PRKN: variants seen among roughly 807,000 people sequenced by gnomAD.
PRKN encodes the protein E3 ubiquitin-protein ligase parkin.
In PRKN, 56 loss-of-function variants were observed where a neutral mutation model predicts 59.5. That is an observed-to-expected ratio of 0.94 (90% confidence interval 0.76 to 1.18). The LOEUF (loss-of-function observed/expected upper bound fraction) is 1.18, where lower values mean the gene tolerates loss of function less well. Among genes scored for constraint, PRKN ranks in the 50% most tolerant of loss-of-function variants. The probability of loss-of-function intolerance (pLI) is 0.00; values close to 1 mark genes in which losing one functional copy is unlikely to be tolerated. For synonymous variants in PRKN, 250 were observed against 222.1 expected (o/e 1.13, Z -1.12); for missense variants, 657 against 596.4 (o/e 1.10, Z -1.06).
intron 7 of PRKN, among the ~76,000 whole-genome samples, chr6:161,677,525 C>T (rs568693199): frequency 6.6e-6 from 1 of 152,348 alleles, no homozygotes; most frequent in East Asian, 1.9e-4. Context: ...ACGAAGCCAG[C>T]ACTGCTGTGA....
intron 2 of PRKN, among the ~76,000 whole-genome samples, chr6:162,296,557 T>A (rs1781687762): frequency 2.6e-5 from 4 of 152,078 alleles, no homozygotes; most frequent in Admixed American, 6.5e-5. Context: ...GCTTATTTCT[T>A]ACTCCACAAC....
chr6:162,566,242 G>A (rs1780073965), intron 1 of PRKN, among the ~76,000 whole-genome samples: 1 of 151,832 alleles, frequency 6.6e-6, no homozygotes, highest in Non-Finnish European at 1.5e-5. Context: ...AAAATCAGCA[G>A]CATTTCTATA....
Position 161,408,314 on chromosome 6 carries a change from T to C in PRKN, c.1084-21437A>G, listed in dbSNP as rs1427588835. ...TGACACACAATTAAGGGTGAAAAACTGGTAAAAAAAAAAAAAAAAAAAGCC... is the reference window on the plus strand; with the variant it reads ...TGACACACAATTAAGGGTGAAAAACCGGTAAAAAAAAAAAAAAAAAAAGCC... On this transcript the variant is annotated intron_variant, in intron 9 of 11. Coordinates refer to ENST00000366898, the MANE Select transcript of PRKN (RefSeq NM_004562.3). Among the ~76,000 whole-genome samples the C allele has an allele frequency of 2.6e-5, 3 of 116,592 alleles. No homozygotes were observed. The Admixed American group carries it at 2.6e-4, about 10-fold the overall frequency. 76.5% of individuals were successfully genotyped at this position (116,592 alleles called of 152,430 possible).
chr6:161,440,167 A>G lies in PRKN; in HGVS notation c.1084-53290T>C, dbSNP rs1775652049. ...ACGGGGTTTCACCGTGTTAGCCAGG[A>G]TGCTCTCCATCTCCTGACCTCGTGA... On this transcript the variant is annotated intron_variant, in intron 9 of 11. Coordinates refer to ENST00000366898, the MANE Select transcript of PRKN (RefSeq NM_004562.3). This position sits in a 1 kb window ranked among gnomAD's most constrained non-coding sequence, Gnocchi z 4.1. Among the ~76,000 whole-genome samples, 1 of 151,744 alleles carries G rather than the reference A, an allele frequency of 6.6e-6. No homozygotes were observed. The highest frequency in any genetic ancestry group is 2.4e-5 in the African/African-American group (1 of 41,304).
intron 2 of PRKN, among the ~76,000 whole-genome samples, chr6:162,428,494 T>C (rs1789350688): frequency 6.6e-6 from 1 of 152,146 alleles, no homozygotes; most frequent in Non-Finnish European, 1.5e-5. Flanking sequence ...ACCTCTCAAA[T>C]AAAGTTTATT....
At chr6:162,152,990 G>A (rs999149939) in intron 4 of PRKN, among the ~76,000 whole-genome samples, 3 of 152,174 alleles carry the variant, frequency 2.0e-5, no homozygotes, top group African/African-American at 7.2e-5. Flanking sequence ...CAAAGTCGAT[G>A]ATGTTCAAAA....
rs1487550360 is a variant in PRKN at position 161,363,157 on chromosome 6, A to G, written c.1168-2952T>C. Among the ~76,000 whole-genome samples the G allele has an allele frequency of 6.6e-6, 1 of 152,148 alleles. No homozygotes were observed. Among genetic ancestry groups the G allele is most frequent in the African/African-American group, 2.4e-5 (1 of 41,438 alleles). On this transcript the variant is annotated intron_variant, in intron 10 of 11. Transcript: ENST00000366898. The surrounding 1 kb of genome is among the most constrained non-coding windows in gnomAD (Gnocchi z 4.1). Reference sequence around the variant, plus strand: ...CTTGGGAGGCTGAGGCAGGAGAAGTACCTGAACCTGGGGGGCAGAGGTTGC... The same window carrying G: ...CTTGGGAGGCTGAGGCAGGAGAAGTGCCTGAACCTGGGGGGCAGAGGTTGC...
chr6:162,576,484 C>A (rs1280173241), intron 1 of PRKN, among the ~76,000 whole-genome samples: 1 of 152,152 alleles, frequency 6.6e-6, no homozygotes, highest in African/African-American at 2.4e-5. Context: ...TGGAATCTCA[C>A]AGGCTTTCCT....
At chr6:162,569,398 C>T in intron 1 of PRKN, 1 of 671,636 alleles carries the variant, frequency 1.5e-6, no homozygotes, top group South Asian at 1.4e-5. Flanking sequence ...TGCATGAGTA[C>T]CAGAAGCTGA....
At chr6:162,348,942 G>A (rs1784513639) in intron 2 of PRKN, among the ~76,000 whole-genome samples, 1 of 152,110 alleles carries the variant, frequency 6.6e-6, no homozygotes, top group Non-Finnish European at 1.5e-5. Flanking sequence ...TACAGATTGT[G>A]CAGATATTAA....
Position 161,377,650 on chromosome 6 carries a change from G to A in PRKN, c.1167+9144C>T, listed in dbSNP as rs1582993488. Among the ~76,000 whole-genome samples the A allele has an allele frequency of 6.6e-6, 1 of 152,250 alleles. No individual in the cohort carries two copies. The highest frequency in any genetic ancestry group is 2.4e-5 in the African/African-American group (1 of 41,560). On this transcript the variant is annotated intron_variant, in intron 10 of 11. Coordinates refer to ENST00000366898, the MANE Select transcript of PRKN (RefSeq NM_004562.3). The surrounding 1 kb of genome is among the most constrained non-coding windows in gnomAD (Gnocchi z 4.2). ...TATGTCGAAACCTAATCACCAAGGC[G>A]GTGGGATTAGGAGGTGAGGCCTTTG...
At chr6:161,570,181 A>G (rs1329133715) in intron 7 of PRKN, among the ~76,000 whole-genome samples, 1 of 143,320 alleles carries the variant, frequency 7.0e-6, no homozygotes, top group Non-Finnish European at 1.5e-5. Context: ...ACACATACAC[A>G]CACAATTAAA....
intron 1 of PRKN, among the ~76,000 whole-genome samples, chr6:162,713,928 G>A (rs906671507): frequency 6.6e-6 from 1 of 152,138 alleles, no homozygotes; most frequent in Non-Finnish European, 1.5e-5. Context: ...AACAAACTGT[G>A]CTAAAAATTA....
At chr6:162,229,985 T>A (rs1778352914) in intron 3 of PRKN, among the ~76,000 whole-genome samples, 1 of 152,254 alleles carries the variant, frequency 6.6e-6, no homozygotes, top group East Asian at 1.9e-4. Flanking sequence ...TTAGAACCAC[T>A]CCGCCACAGA....
At chr6:161,537,122 T>C (rs1283394299) in intron 9 of PRKN, among the ~76,000 whole-genome samples, 1 of 152,212 alleles carries the variant, frequency 6.6e-6, no homozygotes, top group East Asian at 1.9e-4. Context: ...GAAGCCTACT[T>C]TGATTTAGAT....
At chr6:161,785,445 T>A (rs1790373564) in intron 7 of PRKN, among the ~76,000 whole-genome samples, 1 of 152,182 alleles carries the variant, frequency 6.6e-6, no homozygotes, top group South Asian at 2.1e-4. Context: ...AATTAGGTAA[T>A]ACTGCTCTAG....
chr6:162,586,301 T>C (rs1403461527), intron 1 of PRKN, among the ~76,000 whole-genome samples: 1 of 152,244 alleles, frequency 6.6e-6, no homozygotes, highest in Non-Finnish European at 1.5e-5. Context: ...GATAATATCC[T>C]GATATTGGCA....
rs369066721 is a variant in PRKN, at chr6:162,349,026, G to A, written c.172-86261C>T. On this transcript the variant is annotated intron_variant, in intron 2 of 11. Coordinates refer to ENST00000366898, the MANE Select transcript of PRKN (RefSeq NM_004562.3). ...CTTGGATGAAATGGACAAATTCTTT[G>A]AAAGACATAGTCAGTCAATAAAAAA... 1.8e-3 allele frequency among the ~76,000 whole-genome samples: 272 copies of A among 152,268 alleles called. 1 individual carries two copies. In the Middle Eastern group the frequency reaches 0.024, roughly 13 times the overall value.
intron 4 of PRKN, among the ~76,000 whole-genome samples, chr6:162,070,724 C>A (rs1461173584): frequency 6.6e-6 from 1 of 152,134 alleles, no homozygotes; most frequent in East Asian, 1.9e-4. Context: ...GAGCGTGCAA[C>A]CTAGATCCCC....
Sources: allele counts gnomAD v4.1 joint callset (sites outside exome capture counted in the v4.1 genomes callset), GRCh38; gene constraint gnomAD v4.1.1; non-coding constraint Gnocchi (gnomAD v3.1); transcripts MANE v1.5; gene names NCBI Gene and HGNC (gene_info 2026-07-23, HGNC 2026-07-21).